The following VTI1A variants were observed in gnomAD, a reference collection of about 807,000 sequenced individuals.
The protein encoded by VTI1A is vesicle transport through interaction with t-SNAREs homolog 1A.
VTI1A carries 22 observed loss-of-function variants against 34.9 expected under a neutral mutation model. The ratio of observed to expected loss-of-function variants is 0.63; its 90% CI spans 0.45 to 0.90. The LOEUF is 0.90. Ranked by LOEUF, VTI1A falls within the 40% of genes least tolerant of loss-of-function variation. The pLI is 0.00. For missense variants in VTI1A, 268 were observed against 275.6 expected (o/e 0.97, Z 0.20); for synonymous variants, 87 against 97.3 (o/e 0.89, Z 0.62).
At chr10:112,602,822 AT>A (rs373979922) in intron 5 of VTI1A, among the ~76,000 whole-genome samples, 6 of 152,046 alleles carry the variant, frequency 3.9e-5, no homozygotes, top group Non-Finnish European at 5.9e-5. Context: ...TATTTGGGTG[AT>A]TTTTTTTATG....
At chr10:112,557,900 A>C (rs941884564) in intron 5 of VTI1A, among the ~76,000 whole-genome samples, 3 of 152,202 alleles carry the variant, frequency 2.0e-5, no homozygotes, top group African/African-American at 7.2e-5. Context: ...CTTTATTTAC[A>C]CCTCAACTCT....
At chr10:112,771,836 T>G (rs1489797117) in intron 7 of VTI1A, among the ~76,000 whole-genome samples, 1 of 152,234 alleles carries the variant, frequency 6.6e-6, no homozygotes, top group Non-Finnish European at 1.5e-5. Context: ...TTTCACTTAG[T>G]ATAATGTTTT....
intron 5 of VTI1A, among the ~76,000 whole-genome samples, chr10:112,638,325 A>G (rs906266502): frequency 6.6e-6 from 1 of 152,250 alleles, no homozygotes; most frequent in Non-Finnish European, 1.5e-5. Flanking sequence ...GAATGAAAAA[A>G]TAATGCTGGA....
At chr10:112,531,492 A>G (rs1382516858) in intron 4 of VTI1A, among the ~76,000 whole-genome samples, 1 of 152,076 alleles carries the variant, frequency 6.6e-6, no homozygotes, top group African/African-American at 2.4e-5. Flanking sequence ...GAAAAAAAAA[A>G]AAAAGAAAAA....
At chr10:112,551,071 G>A (rs564500586) in intron 5 of VTI1A, among the ~76,000 whole-genome samples, 25 of 151,944 alleles carry the variant, frequency 1.6e-4, no homozygotes, top group African/African-American at 5.5e-4. Flanking sequence ...GTGAAACCCC[G>A]TCTCTACTAA....
At chr10:112,600,903 A>G (rs1191716365) in intron 5 of VTI1A, among the ~76,000 whole-genome samples, 1 of 152,252 alleles carries the variant, frequency 6.6e-6, no homozygotes, top group African/African-American at 2.4e-5. Flanking sequence ...TCCTAGTGCT[A>G]AGGCTTTAAA....
intron 3 of VTI1A, among the ~76,000 whole-genome samples, chr10:112,475,843 G>T (rs548128669): frequency 2.8e-4 from 42 of 152,206 alleles, no homozygotes; most frequent in African/African-American, 1.0e-3. Context: ...TTTTAAAAAA[G>T]AAACTATGGT....
intron 7 of VTI1A, among the ~76,000 whole-genome samples, chr10:112,717,054 G>C (rs7923254): frequency 0.43 from 64,835 of 152,090 alleles, 17,283 homozygotes; most frequent in African/African-American, 0.76. Context: ...AACAAGTGCC[G>C]TTGCACCTCT....
chr10:112,715,126 A>T (rs952596415), intron 7 of VTI1A, among the ~76,000 whole-genome samples: 1 of 152,122 alleles, frequency 6.6e-6, no homozygotes, highest in Non-Finnish European at 1.5e-5. Flanking sequence ...GTAATTTGGT[A>T]TGTAACGATG....
At chr10:112,839,973 C>T in the VTI1A span, among the ~76,000 whole-genome samples, 5 of 152,108 alleles carry the variant, frequency 3.3e-5, no homozygotes, top group Admixed American at 6.5e-5. Context: ...GCCTCAGTTT[C>T]CTCATCTGTA....
intron 5 of VTI1A, among the ~76,000 whole-genome samples, chr10:112,665,421 A>G (rs1000023812): frequency 1.3e-5 from 2 of 152,206 alleles, no homozygotes; most frequent in African/African-American, 4.8e-5. Flanking sequence ...AAAATGGAAG[A>G]TAGCAAGTTA....
intron 3 of VTI1A, among the ~76,000 whole-genome samples, chr10:112,515,888 C>G (rs1388811469): frequency 1.3e-5 from 2 of 152,068 alleles, no homozygotes; most frequent in Non-Finnish European, 2.9e-5. Context: ...CACCCACATA[C>G]AAGATGTGCG....
chr10:112,724,506 A>G (rs947064459), intron 7 of VTI1A, among the ~76,000 whole-genome samples: 4 of 152,058 alleles, frequency 2.6e-5, no homozygotes, highest in Admixed American at 2.0e-4. Flanking sequence ...ATCTCCTCCA[A>G]CCAATCAGAA....
intron 5 of VTI1A, among the ~76,000 whole-genome samples, chr10:112,538,917 C>T (rs996625400): frequency 6.6e-6 from 1 of 152,156 alleles, no homozygotes; most frequent in Non-Finnish European, 1.5e-5. Flanking sequence ...TTAGTTAATG[C>T]TCTTCAAACT....
chr10:112,838,285 G>A, the VTI1A span, among the ~76,000 whole-genome samples: 1 of 152,206 alleles, frequency 6.6e-6, no homozygotes, highest in South Asian at 2.1e-4. Context: ...GTCCTCCTGG[G>A]GTCAGAGCCA....
chr10:112,835,407 G>A, the VTI1A span, among the ~76,000 whole-genome samples: 2 of 152,184 alleles, frequency 1.3e-5, no homozygotes, highest in African/African-American at 4.8e-5. Flanking sequence ...CTTCGAGGAG[G>A]CATGCTGCGA....
rs1161935841 is a variant in VTI1A, at chr10:112,551,243, C to CAAA, written c.427+12937_427+12939dup. 8.2e-4 allele frequency among the ~76,000 whole-genome samples: 18 copies of CAAA among 22,038 alleles called. 1 individual carries two copies. Among genetic ancestry groups the CAAA allele is most frequent in the East Asian group, 2.0e-3 (1 of 496 alleles). 14.5% of individuals were successfully genotyped at this position (22,038 alleles called of 152,430 possible). A position where few individuals can be genotyped will look rare whatever the true frequency, so the allele number is the denominator to read the frequency against. ...TGGGCGGCACAGCGATACTCCATCT[C>CAAA]AAAAAAAAAAAAAAAAAAAAAAAAA... On this transcript the variant is annotated intron_variant, in intron 5 of 7. Coordinates refer to ENST00000393077, the MANE Select transcript of VTI1A (RefSeq NM_145206.4).
At chr10:112,534,108 G>T (rs532489883) in intron 4 of VTI1A, among the ~76,000 whole-genome samples, 34 of 152,090 alleles carry the variant, frequency 2.2e-4, no homozygotes, top group African/African-American at 7.2e-4. Context: ...TTTCGTCATT[G>T]TTAAACACTT....
chr10:112,671,139 G>A (rs1013214330), intron 7 of VTI1A, among the ~76,000 whole-genome samples: 1 of 152,174 alleles, frequency 6.6e-6, no homozygotes, highest in African/African-American at 2.4e-5. Context: ...GAGAAGTAGA[G>A]GCAGGGTTTA....
Sources: gnomAD v4.1 joint callset for allele counts (sites outside exome capture counted in the v4.1 genomes callset) on GRCh38, gnomAD v4.1.1 for gene constraint, MANE v1.5 for transcripts, NCBI Gene and HGNC (gene_info 2026-07-23, HGNC 2026-07-21) for gene names.